AGAP2: variants seen among roughly 807,000 people sequenced by gnomAD.
The protein encoded by AGAP2 is ArfGAP with GTPase domain, ankyrin repeat and PH domain 2, also known as arf-GAP with GTPase, ANK repeat and PH domain-containing protein 2.
A neutral mutation model predicts 110.9 loss-of-function variants in AGAP2; 32 were observed. The ratio of observed to expected loss-of-function variants is 0.29; its 90% CI spans 0.22 to 0.39. AGAP2 has a LOEUF of 0.39. Among genes scored for constraint, AGAP2 ranks in the 10% least tolerant of loss-of-function variants. AGAP2 has a pLI of 1.00. For missense variants in AGAP2, 1,285 were observed against 1,638.5 expected (o/e 0.78, Z 3.72); for synonymous variants, 702 against 713.0 (o/e 0.98, Z 0.25).
chr12:57,740,163 G>C (rs1955059924), upstream of AGAP2, among the ~76,000 whole-genome samples: 1 of 152,080 alleles, frequency 6.6e-6, no homozygotes, highest in Admixed American at 6.5e-5. Context: ...TGCTGCCGTG[G>C]GCGGCTCTTG....
intron 8 of AGAP2, 57 bp from the exon 9 acceptor site, chr12:57,731,699 G>T (rs904723963): frequency 6.2e-7 from 1 of 1,607,578 alleles, no homozygotes; most frequent in South Asian, 1.1e-5. Flanking sequence ...CTGATGTGAC[G>T]ATAGGGAAGA....
At position 57,731,845 on chromosome 12, in the gene AGAP2, C is replaced by T; in HGVS notation, c.1917G>A (p.Leu639=). The T allele has an allele frequency of 6.3e-7, 1 of 1,597,704 alleles. No homozygotes were observed. Among genetic ancestry groups the T allele is most frequent in the Non-Finnish European group, 8.5e-7 (1 of 1,172,468 alleles). The change falls in exon 8 of 19, where the codon CTG becomes CTA. Residue 639 remains leucine, a synonymous_variant. Transcript: ENST00000547588. ...TGGTCCTGCGCTTGGCTGCCCGGTG[C>T]AGGGACCCTGGGGTGCTCAATCCAG... is the stretch of plus-strand genomic sequence containing the variant. ...AVAGLSTPGS[L]HRAAKRRTSL...
rs1282450196 is a variant in AGAP2, at chr12:57,734,635, G to C, written c.1272C>G (p.His424Gln). The change falls in exon 3 of 19, where the codon CAC (histidine) becomes CAG (glutamine). Residue 424 changes from histidine (H) to glutamine (Q), a missense_variant. Coordinates refer to ENST00000547588, the MANE Select transcript of AGAP2 (RefSeq NM_001122772.3). Reference protein sequence around the residue: ...DARSGKSSLIHRFLTGSYQVL... With the variant: ...DARSGKSSLIQRFLTGSYQVL... ...CCTGGTATGAGCCAGTCAGGAATCGGTGGATGAGCGATGACTTCCCACTCC... is the reference window on the plus strand; with the variant it reads ...CCTGGTATGAGCCAGTCAGGAATCGCTGGATGAGCGATGACTTCCCACTCC... The C allele has an allele frequency of 1.9e-6, 3 of 1,614,194 alleles. No individual in the cohort carries two copies. In the Admixed American group the frequency reaches 5.0e-5, roughly 27 times the overall value.
chr12:57,734,563 T>A, intron 3 of AGAP2, 29 bp downstream of exon 3: 1 of 1,612,720 alleles, frequency 6.2e-7, no homozygotes, highest in Non-Finnish European at 8.5e-7. Context: ...ACCCCAATGG[T>A]TAGCTTACTA....
Position 57,732,507 on chromosome 12 carries a change from G to T in AGAP2, c.1690C>A (p.Gln564Lys). The T allele has an allele frequency of 6.3e-7, 1 of 1,581,664 alleles. No homozygotes were observed. Among genetic ancestry groups the T allele is most frequent in the East Asian group, 2.3e-5 (1 of 43,512 alleles). The change falls in exon 7 of 19, where the codon CAG becomes AAG. Residue 564 changes from glutamine (Q) to lysine (K), a missense_variant. Physicochemically the swap from Gln to Lys is moderately conservative, Grantham distance 53. This residue lies in a region of AGAP2 where 844 missense variants were observed against 941.2 expected (regional missense o/e 0.90). Coordinates refer to ENST00000547588, the MANE Select transcript of AGAP2 (RefSeq NM_001122772.3). Reference sequence around the variant, plus strand: ...TGCTTGCGCAAGGTCACCACCTTCTGGGCCACTGAGGGGAGTTGACGGAAG... The same window carrying T: ...TGCTTGCGCAAGGTCACCACCTTCTTGGCCACTGAGGGGAGTTGACGGAAG... ...NVDRVFQEVA[Q>K]KVVTLRKQQQ...
chr12:57,736,459 G>C (rs112843362), intron 1 of AGAP2, among the ~76,000 whole-genome samples: 13 of 152,184 alleles, frequency 8.5e-5, no homozygotes, highest in Non-Finnish European at 1.6e-4. Flanking sequence ...GCTCTGGGGA[G>C]GGGGTGGGCA....
chr12:57,728,242 C>A, intron 14 of AGAP2, 76 bp downstream of exon 14: 5 of 1,559,790 alleles, frequency 3.2e-6, no homozygotes, highest in South Asian at 1.1e-5. Flanking sequence ...AGCCCGAGCA[C>A]ATGCAGGGGA....
upstream of AGAP2, among the ~76,000 whole-genome samples, chr12:57,740,219 T>G (rs1595099113): frequency 3.5e-5 from 5 of 144,088 alleles, no homozygotes; most frequent in East Asian, 4.6e-4. Context: ...GGGCTGAGGG[T>G]GGGGGGGCTG....
Position 57,726,800 on chromosome 12 carries a change from G to T in AGAP2, c.3337-6C>A. On this transcript the variant is annotated splice_polypyrimidine_tract_variant and splice_region_variant and intron_variant, in intron 18 of 18. Coordinates refer to ENST00000547588, the MANE Select transcript of AGAP2 (RefSeq NM_001122772.3). This position sits in a 1 kb window ranked among gnomAD's most constrained non-coding sequence, Gnocchi z 5.7. ...GCCGCCACGTCCGCGCCGTACTAGA[G>T]GGCGGAAACGGCCGCGTGACCGCGC... 7.0e-7 allele frequency: 1 copy of T among 1,425,978 alleles called. No homozygotes were observed. Among genetic ancestry groups the T allele is most frequent in the South Asian group, 1.5e-5 (1 of 67,246 alleles). The allele number at this position is 1,425,978 out of a possible 1,614,324, so 88.3% of individuals were successfully genotyped here.
upstream of AGAP2, chr12:57,741,838 T>C: frequency 2.0e-6 from 3 of 1,532,952 alleles, no homozygotes; most frequent in South Asian, 2.4e-5. Context: ...GGAATTGATA[T>C]ATGATACAGC....
chr12:57,730,654 C>T, intron 11 of AGAP2, 40 bp from the exon 12 acceptor site: 1 of 1,607,744 alleles, frequency 6.2e-7, no homozygotes, highest in Non-Finnish European at 8.5e-7. Context: ...CCTCTTTCTT[C>T]TGGCCCCATT....
rs1178616967 is a variant in AGAP2 at position 57,725,298 on chromosome 12, C to T, written c.*1254G>A. ...TCCCCCTTGCCCCCACCTCTCTCCC[C>T]TCCCCAATTACCTGGTCCTTTGCAA... is the stretch of plus-strand genomic sequence containing the variant. On this transcript the variant is annotated 3_prime_UTR_variant, in exon 19 of 19. Coordinates refer to ENST00000547588, the MANE Select transcript of AGAP2 (RefSeq NM_001122772.3). 6.6e-6 allele frequency: 1 copy of T among 151,312 alleles called. No homozygotes were observed. Among genetic ancestry groups the T allele is most frequent in the African/African-American group, 2.4e-5 (1 of 41,010 alleles). 9.4% of individuals were successfully genotyped at this position (151,312 alleles called of 1,614,324 possible).
chr12:57,729,784 C>T lies in AGAP2; in HGVS notation c.2429-17G>A, dbSNP rs1382982334. On this transcript the variant is annotated splice_polypyrimidine_tract_variant and intron_variant, in intron 12 of 18. Coordinates refer to ENST00000547588, the MANE Select transcript of AGAP2 (RefSeq NM_001122772.3). ...GGGTACAGTCTTAGGGAGGAAGACA[C>T]AGCTGCCTCAGTAGCCCCCTCCACA... 2 of 1,589,096 alleles carry T rather than the reference C, an allele frequency of 1.3e-6. No individual in the cohort carries two copies. Among genetic ancestry groups the T allele is most frequent in the Admixed American group, 3.6e-5 (2 of 54,964 alleles).
chr12:57,731,892 G>A lies in AGAP2; in HGVS notation c.1870C>T (p.Arg624Ter), dbSNP rs748853130. 1 of 1,612,346 alleles carries A rather than the reference G, an allele frequency of 6.2e-7. No homozygotes were observed. Among genetic ancestry groups the A allele is most frequent in the Non-Finnish European group, 8.5e-7 (1 of 1,179,468 alleles). ...CCAGCCACTGCAGCTGCCTCGGCTC[G>A]GAGCTCCCGGTGACCAACATTCGGT... The part of the protein sequence containing the change: ...SSPNVGHREL[R>*]AEAAAVAGLS... Residue 624 changes from arginine (R) to a stop codon, truncating the protein, a stop_gained, in exon 8 of 19, where the codon CGA (arginine) becomes TGA (stop). Coordinates refer to ENST00000547588, the MANE Select transcript of AGAP2 (RefSeq NM_001122772.3). LOFTEE classifies it high-confidence loss of function.
chr12:57,737,866 C>T lies in AGAP2; in HGVS notation c.381G>A (p.Leu127=), dbSNP rs1258427220. Residue 127 remains leucine (L), a synonymous_variant, in exon 1 of 19, where the codon CTG becomes CTA. Transcript: ENST00000547588. This position sits in a 1 kb window ranked among gnomAD's most constrained non-coding sequence, Gnocchi z 5.9. The part of the protein sequence containing the change: ...VPPGPPLSGG[L]SPDPKPGGAP... ...CGCCCCCAGGCTTGGGGTCGGGGCT[C>T]AGTCCCCCGGAGAGCGGGGGTCCCG... The T allele has an allele frequency of 2.1e-6, 3 of 1,444,820 alleles. No individual in the cohort carries two copies. Among genetic ancestry groups the T allele is most frequent in the South Asian group, 2.9e-5 (2 of 69,268 alleles). The allele number at this position is 1,444,820 out of a possible 1,614,324, so 89.5% of individuals were successfully genotyped here.
At position 57,727,740 on chromosome 12, in the gene AGAP2, G is replaced by A; in HGVS notation, c.2798C>T (p.Ala933Val). Reference sequence around the variant, plus strand: ...CTTGGCGTTCCGGATCGCCTGGATGGCCACGGCCTCGCTTTGGCTGTCTGT... The same window carrying A: ...CTTGGCGTTCCGGATCGCCTGGATGACCACGGCCTCGCTTTGGCTGTCTGT... ...LRTDSQSEAVAIQAIRNAKGN... is the reference protein window; with the variant it reads ...LRTDSQSEAVVIQAIRNAKGN... Residue 933 changes from alanine (A) to valine (V), a missense_variant, in exon 16 of 19, where the codon GCC becomes GTC. Ala to Val is a moderately conservative substitution (Grantham distance 64, BLOSUM62 0). Coordinates refer to ENST00000547588, the MANE Select transcript of AGAP2 (RefSeq NM_001122772.3). 6.3e-7 allele frequency: 1 copy of A among 1,591,790 alleles called. No individual in the cohort carries two copies. Among genetic ancestry groups the A allele is most frequent in the Non-Finnish European group, 8.6e-7 (1 of 1,167,798 alleles).
At position 57,734,079 on chromosome 12, in the gene AGAP2, G is replaced by A. The variant is rs1305608394; in HGVS notation, c.1496C>T (p.Ser499Phe). 1 of 1,613,324 alleles carries A rather than the reference G, an allele frequency of 6.2e-7. No homozygotes were observed. Among genetic ancestry groups the A allele is most frequent in the East Asian group, 2.2e-5 (1 of 44,880 alleles). Reference protein sequence around the residue: ...AVSRLHGQLSSLRGEGRGGLA... With the variant: ...AVSRLHGQLSFLRGEGRGGLA... Reference sequence around the variant, plus strand: ...GCCTCCTCGTCCCTCCCCGCGAAGGGAACTCAGCTGCCCATGGAGACGGCT... The same window carrying A: ...GCCTCCTCGTCCCTCCCCGCGAAGGAAACTCAGCTGCCCATGGAGACGGCT... Residue 499 changes from serine to phenylalanine, a missense_variant, in exon 5 of 19, where the codon TCC becomes TTC. Ser to Phe is a radical substitution (Grantham distance 155). Transcript: ENST00000547588.
At position 57,732,782 on chromosome 12, in the gene AGAP2, A is replaced by G. The variant is rs552523389; in HGVS notation, c.1684+63T>C. 7.2e-5 allele frequency: 116 copies of G among 1,602,474 alleles called. 2 individuals are homozygous for G. The South Asian group carries it at 1.2e-3, about 17-fold the overall frequency. On this transcript the variant is annotated intron_variant, in intron 6 of 18. Transcript: ENST00000547588. ...CAGAGAGAGGCCTGGATGCCTGACC[A>G]CTGAGAATATCCCAGGCCCCTTGCT...
rs1954780862 is a variant in AGAP2 at position 57,727,054 on chromosome 12, C to T, written c.3256G>A (p.Val1086Ile). Reference protein sequence around the residue: ...HARHGPLDTSVEDPQLRSPLH... With the variant: ...HARHGPLDTSIEDPQLRSPLH... ...GGGGAGCGCAGCTGTGGGTCCTCTACGCTGGTGTCGAGCGGCCCGTGTCGC... is the reference window on the plus strand; with the variant it reads ...GGGGAGCGCAGCTGTGGGTCCTCTATGCTGGTGTCGAGCGGCCCGTGTCGC... Residue 1086 changes from valine (V) to isoleucine (I), a missense_variant, in exon 18 of 19, where the codon GTA (valine) becomes ATA (isoleucine). Coordinates refer to ENST00000547588, the MANE Select transcript of AGAP2 (RefSeq NM_001122772.3). The T allele has an allele frequency of 6.2e-7, 1 of 1,604,536 alleles. No individual in the cohort carries two copies. Among genetic ancestry groups the T allele is most frequent in the African/African-American group, 1.3e-5 (1 of 74,934 alleles).
Sources: gnomAD v4.1 joint callset for allele counts (sites outside exome capture counted in the v4.1 genomes callset) on GRCh38, gnomAD v4.1.1 for gene constraint, gnomAD v4.1.1 regional missense constraint, Gnocchi (gnomAD v3.1) non-coding constraint, MANE v1.5 for transcripts, NCBI Gene and HGNC (gene_info 2026-07-23, HGNC 2026-07-21) for gene names.